The following BCAP31 variants were observed in gnomAD, a reference collection of about 807,000 sequenced individuals.
BCAP31 encodes B cell receptor associated protein 31, also known as B-cell receptor-associated protein 31.
For missense variants in BCAP31, 124 were observed against 193.0 expected (o/e 0.64, Z 2.12); for synonymous variants, 75 against 80.9 (o/e 0.93, Z 0.39).
At chrX:153,722,285 G>A (rs1207091514) in intron 2 of BCAP31, among the ~76,000 whole-genome samples, 1 of 112,282 alleles carries the variant, frequency 8.9e-6, no homozygotes, top group Non-Finnish European at 1.9e-5. Flanking sequence ...ACAAGGTACC[G>A]ATTTGGCATT....
intron 3 of BCAP31, among the ~76,000 whole-genome samples, chrX:153,718,938 G>C (rs1293466815): frequency 8.9e-6 from 1 of 111,805 alleles, no homozygotes; most frequent in African/African-American, 3.3e-5. Flanking sequence ...GCTCTAGCTA[G>C]TTATGCCCCT....
rs143220754 is a variant in BCAP31, at chrX:153,722,741, G to A, written c.92+412C>T. Among the ~76,000 whole-genome samples the A allele has an allele frequency of 5.4e-3, 601 of 111,631 alleles. 4 individuals are homozygous for A. The highest frequency in any genetic ancestry group is 0.019 in the African/African-American group (582 of 30,616). On this transcript the variant is annotated intron_variant, in intron 2 of 7. Transcript: ENST00000345046. ...TGAGTAATGTTCATGCAGCCACTGC[G>A]CAATACCAGTGAGACTAGTTAGGAG...
chrX:153,704,034 T>C lies in BCAP31; in HGVS notation c.402A>G (p.Glu134=). Reference sequence around the variant, plus strand: ...CACTCTCCGCCTGCTTTTTAAAGGCTTCATTGGAGGCCAGCAGCGTGGCCT... The same window carrying C: ...CACTCTCCGCCTGCTTTTTAAAGGCCTCATTGGAGGCCAGCAGCGTGGCCT... ...SQQATLLASN[E]AFKKQAESAS... Residue 134 remains glutamate (E), a synonymous_variant, in exon 5 of 8, where the codon GAA becomes GAG. Transcript: ENST00000345046. 8.3e-7 allele frequency: 1 copy of C among 1,211,739 alleles called. No individual in the cohort carries two copies. Among genetic ancestry groups the C allele is most frequent in the Non-Finnish European group, 1.1e-6 (1 of 895,310 alleles).
chrX:153,709,601 G>C (rs1199827066), intron 4 of BCAP31, among the ~76,000 whole-genome samples: 4 of 112,650 alleles, frequency 3.6e-5, no homozygotes, highest in African/African-American at 1.3e-4. Flanking sequence ...GACTGCCGGA[G>C]TCTTCCACAA....
intron 4 of BCAP31, among the ~76,000 whole-genome samples, chrX:153,709,161 CA>C (rs1184860739): frequency 1.8e-5 from 2 of 111,706 alleles, no homozygotes; most frequent in African/African-American, 6.5e-5. Flanking sequence ...GGGTAGAGAG[CA>C]ACCGACTGAG....
At chrX:153,723,731 C>T in intron 1 of BCAP31, 1 of 1,111,847 alleles carries the variant, frequency 9.0e-7, no homozygotes. Context: ...GCCCAAATCC[C>T]CGCTACCAGG....
intron 4 of BCAP31, among the ~76,000 whole-genome samples, chrX:153,715,233 G>A (rs1005545333): frequency 1.5e-4 from 17 of 111,922 alleles, no homozygotes; most frequent in Admixed American, 1.9e-4. Context: ...CCAGAGGAGG[G>A]CAAGGCCTTA....
At chrX:153,717,256 G>C (rs2091635579) in intron 3 of BCAP31, among the ~76,000 whole-genome samples, 1 of 112,317 alleles carries the variant, frequency 8.9e-6, no homozygotes, top group African/African-American at 3.2e-5. Context: ...GACATATAGA[G>C]CTCCAGTTAA....
rs782785518 is a variant in BCAP31 at position 153,713,206 on chromosome X, CAA to C, written c.341+2334_341+2335del. On this transcript the variant is annotated intron_variant, in intron 4 of 7. Transcript: ENST00000345046. ...TGGGCGACAGAGTGAGACTCTGTCT[CAA>C]AAAAAAAGAGTGAGCCCCCTAAGGC... Among the ~76,000 whole-genome samples the C allele has an allele frequency of 5.6e-3, 607 of 107,775 alleles. 3 individuals carry two copies. The highest frequency in any genetic ancestry group is 9.6e-3 in the Middle Eastern group (2 of 208). 93.6% of individuals were successfully genotyped at this position (107,775 alleles called of 115,157 possible).
In BCAP31 at chrX:153,723,156, T is replaced by C. The variant is rs144781058; in HGVS notation, c.89A>G (p.Lys30Arg). ...LLLCIPFISPKRWQKIFKSRL... is the reference protein window; with the variant it reads ...LLLCIPFISPRRWQKIFKSRL... ...CTGCTTGCTCCATAGGCCATACCTT[T>C]TAGGAGAAATGAAGGGAATGCAGAG... Residue 30 changes from lysine (K) to arginine (R), a missense_variant, in exon 2 of 8, where the codon AAA becomes AGA. Physicochemically the swap from Lys to Arg is conservative, Grantham distance 26 (BLOSUM62 2). Transcript: ENST00000345046. The C allele has an allele frequency of 2.6e-5, 31 of 1,209,571 alleles. No individual in the cohort carries two copies. The highest frequency in any genetic ancestry group is 3.4e-5 in the Non-Finnish European group (30 of 894,833).
chrX:153,721,196 G>A (rs2091663092), intron 2 of BCAP31: 2 of 359,973 alleles, frequency 5.6e-6, no homozygotes, highest in Non-Finnish European at 4.8e-6. Context: ...AGCACTTTGG[G>A]AGACCAAGGT....
chrX:153,701,059 C>T, intron 7 of BCAP31, 84 bp from the exon 8 acceptor site: 3 of 881,154 alleles, frequency 3.4e-6, no homozygotes, highest in Non-Finnish European at 4.9e-6. Flanking sequence ...CCCCAGAGGT[C>T]CACCTCGGTT....
Position 153,702,930 on chromosome X carries a change from C to T in BCAP31, c.601+5G>A. ...TGCGGGGAAGGACACGAGGTCGAGCCTCACTTTGCTTAGTGCTGGCCAGCT... is the reference window on the plus strand; with the variant it reads ...TGCGGGGAAGGACACGAGGTCGAGCTTCACTTTGCTTAGTGCTGGCCAGCT... On this transcript the variant is annotated splice_donor_5th_base_variant and intron_variant, in intron 6 of 7. Transcript: ENST00000345046. The T allele has an allele frequency of 8.3e-7, 1 of 1,209,720 alleles. No individual in the cohort carries two copies. Among genetic ancestry groups the T allele is most frequent in the Non-Finnish European group, 1.1e-6 (1 of 895,283 alleles).
intron 4 of BCAP31, among the ~76,000 whole-genome samples, chrX:153,712,867 GC>G (rs1295811341): frequency 8.9e-6 from 1 of 112,000 alleles, no homozygotes; most frequent in African/African-American, 3.2e-5. Flanking sequence ...CTCTTGTCCA[GC>G]CTTATGGCCA....
chrX:153,707,966 C>T (rs781955106), intron 4 of BCAP31, among the ~76,000 whole-genome samples: 3 of 113,058 alleles, frequency 2.7e-5, no homozygotes, highest in East Asian at 2.8e-4. Context: ...TAGTCTTACC[C>T]GAATCACTGT....
At chrX:153,718,008 G>A (rs1216029839) in intron 3 of BCAP31, among the ~76,000 whole-genome samples, 1 of 111,827 alleles carries the variant, frequency 8.9e-6, no homozygotes, top group African/African-American at 3.3e-5. Context: ...TCTTTAAGAA[G>A]AATGAGATTG....
At chrX:153,714,526 C>T (rs1241169954) in intron 4 of BCAP31, among the ~76,000 whole-genome samples, 1 of 111,247 alleles carries the variant, frequency 9.0e-6, no homozygotes, top group Non-Finnish European at 1.9e-5. Flanking sequence ...CTCTTTCCAA[C>T]TTGGTCGCAG....
At position 153,702,118 on chromosome X, in the gene BCAP31, T is replaced by C; in HGVS notation, c.602-11A>G. 1 of 1,184,719 alleles carries C rather than the reference T, an allele frequency of 8.4e-7. No homozygotes were observed. The highest frequency in any genetic ancestry group is 1.1e-6 in the Non-Finnish European group (1 of 873,647). ...CAGCTTTCTCTAGTTCTTGAAATGA[T>C]GTAAATGACCAAGAAAACAGAAACG... On this transcript the variant is annotated splice_polypyrimidine_tract_variant and intron_variant, in intron 6 of 7. Transcript: ENST00000345046.
intron 4 of BCAP31, among the ~76,000 whole-genome samples, chrX:153,710,028 G>A (rs1490726438): frequency 1.8e-5 from 2 of 112,693 alleles, no homozygotes; most frequent in East Asian, 5.6e-4. Flanking sequence ...CGAAGAGGAG[G>A]TGCCGGCTGG....
Sources: gnomAD v4.1 joint callset for allele counts (sites outside exome capture counted in the v4.1 genomes callset) on GRCh38, gnomAD v4.1.1 for gene constraint, MANE v1.5 for transcripts, NCBI Gene and HGNC (gene_info 2026-07-23, HGNC 2026-07-21) for gene names.